Variants in JPH3 observed in about 807,000 individuals in gnomAD.
JPH3 encodes the protein junctophilin 3.
Under a neutral mutation model 59.6 loss-of-function variants are expected in JPH3, and 11 were observed. The observed-to-expected ratio is 0.18, with a 90% CI of 0.12 to 0.31. The LOEUF is 0.31. Among genes scored for constraint, JPH3 ranks in the 10% least tolerant of loss-of-function variants. The probability of loss-of-function intolerance (pLI) is 1.00; values close to 1 mark genes in which losing one functional copy is unlikely to be tolerated. For missense variants in JPH3, 1,202 were observed against 1,105.7 expected, an observed-to-expected ratio of 1.09 and a Z score of -1.24; for synonymous variants, 673 against 483.6, an observed-to-expected ratio of 1.39 and a Z score of -5.14.
intron 2 of JPH3, chr16:87,655,119 G>C (rs2032452304): frequency 6.6e-6 from 1 of 152,192 alleles, no homozygotes; most frequent in Admixed American, 6.5e-5. Context: ...TTGAAGGTCT[G>C]GCAGGGTCAG....
chr16:87,668,296 C>G (rs2032927349), intron 2 of JPH3, among the ~76,000 whole-genome samples: 1 of 152,140 alleles, frequency 6.6e-6, no homozygotes, highest in Non-Finnish European at 1.5e-5. Flanking sequence ...TTTCGTGGTC[C>G]ATGTTTGGGG....
chr16:87,669,703 G>A (rs550706795), intron 2 of JPH3, among the ~76,000 whole-genome samples: 1 of 152,288 alleles, frequency 6.6e-6, no homozygotes, highest in Admixed American at 6.5e-5. Context: ...AGAGCGGGAG[G>A]CAGGACCCCG....
chr16:87,668,990 G>A (rs1301370836), intron 2 of JPH3, among the ~76,000 whole-genome samples: 1 of 152,172 alleles, frequency 6.6e-6, no homozygotes, highest in Non-Finnish European at 1.5e-5. Context: ...AATCTTCTCG[G>A]AGGTCCTGCG....
At chr16:87,659,710 G>C (rs1438868464) in intron 2 of JPH3, among the ~76,000 whole-genome samples, 1 of 151,882 alleles carries the variant, frequency 6.6e-6, no homozygotes. Flanking sequence ...TCCAGCCTGG[G>C]CAACAAAGCA....
intron 1 of JPH3, among the ~76,000 whole-genome samples, chr16:87,613,758 T>G (rs976108173): frequency 2.6e-5 from 4 of 152,196 alleles, no homozygotes; most frequent in African/African-American, 9.7e-5. Flanking sequence ...AGAAAAACAC[T>G]TTTTCTTTCT....
intron 2 of JPH3, among the ~76,000 whole-genome samples, chr16:87,676,488 C>T (rs1188838884): frequency 6.6e-6 from 1 of 152,198 alleles, no homozygotes; most frequent in Non-Finnish European, 1.5e-5. Context: ...GTAATCTCAG[C>T]ACCTTGGGAG....
chr16:87,659,888 T>G (rs1333711322), intron 2 of JPH3, among the ~76,000 whole-genome samples: 1 of 152,086 alleles, frequency 6.6e-6, no homozygotes, highest in East Asian at 1.9e-4. Flanking sequence ...CCTCCCAGGT[T>G]CCCTCCCCCA....
intron 1 of JPH3, among the ~76,000 whole-genome samples, chr16:87,643,325 C>A (rs1395857223): frequency 6.6e-6 from 1 of 152,206 alleles, no homozygotes; most frequent in Non-Finnish European, 1.5e-5. Context: ...CCCTTTCCAG[C>A]CATGGAAACA....
chr16:87,630,902 C>G (rs1251555324), intron 1 of JPH3, among the ~76,000 whole-genome samples: 2 of 152,154 alleles, frequency 1.3e-5, no homozygotes, highest in African/African-American at 2.4e-5. Context: ...GTTGTTAAAT[C>G]CATACTCAGT....
chr16:87,635,248 G>T (rs2031698724), intron 1 of JPH3, among the ~76,000 whole-genome samples: 1 of 152,210 alleles, frequency 6.6e-6, no homozygotes, highest in Admixed American at 6.5e-5. Context: ...TTGACCTGGG[G>T]CATCTGTCCA....
At chr16:87,639,084 C>G (rs1054339368) in intron 1 of JPH3, among the ~76,000 whole-genome samples, 9 of 152,154 alleles carry the variant, frequency 5.9e-5, no homozygotes, top group African/African-American at 2.2e-4. Context: ...CCCTCTCCAG[C>G]CTCAGTTGCC....
chr16:87,644,663 C>T lies in JPH3; in HGVS notation c.788C>T (p.Thr263Ile). The T allele has an allele frequency of 1.2e-6, 2 of 1,611,894 alleles. No homozygotes were observed. Among genetic ancestry groups the T allele is most frequent in the Non-Finnish European group, 1.7e-6 (2 of 1,179,894 alleles). Residue 263 changes from threonine (T) to isoleucine (I), a missense_variant, in exon 2 of 5, where the codon ACC becomes ATC. By Grantham distance (89) the Thr-to-Ile change is moderately conservative. Coordinates refer to ENST00000284262, the MANE Select transcript of JPH3 (RefSeq NM_020655.4). ...VSSTASDIHS[T>I]ISLGEAEAEL... ...TCCACGGCCAGCGACATCCACTCCA[C>T]CATCAGCCTGGGCGAGGCTGAGGCC...
intron 1 of JPH3, among the ~76,000 whole-genome samples, chr16:87,607,028 C>A (rs1369285984): frequency 6.6e-6 from 1 of 152,178 alleles, no homozygotes; most frequent in Non-Finnish European, 1.5e-5. Flanking sequence ...AGAGCCTGGG[C>A]CTTTGCTAGG....
intron 2 of JPH3, among the ~76,000 whole-genome samples, chr16:87,674,940 T>C (rs919039327): frequency 1.3e-5 from 2 of 152,032 alleles, no homozygotes. Flanking sequence ...TTTGTATTTT[T>C]AGTAGAGATG....
intron 2 of JPH3, chr16:87,654,977 C>T (rs2032446036): frequency 6.6e-6 from 1 of 152,278 alleles, no homozygotes; most frequent in Admixed American, 6.5e-5. Flanking sequence ...CACCGCAAAC[C>T]AGCTCCTCTT....
intron 4 of JPH3, chr16:87,694,441 G>A (rs1183777877): frequency 6.6e-6 from 1 of 152,214 alleles, no homozygotes; most frequent in Non-Finnish European, 1.5e-5. Flanking sequence ...AGGCTGCTTC[G>A]CTGCCGCGGG....
intron 2 of JPH3, among the ~76,000 whole-genome samples, chr16:87,662,031 T>G (rs368440401): frequency 5.3e-5 from 8 of 152,356 alleles, no homozygotes; most frequent in African/African-American, 1.9e-4. Flanking sequence ...CTCACAAATT[T>G]GATTTTTAAG....
chr16:87,657,899 G>A (rs1456924569), intron 2 of JPH3, among the ~76,000 whole-genome samples: 11 of 152,220 alleles, frequency 7.2e-5, no homozygotes, highest in Non-Finnish European at 1.6e-4. Flanking sequence ...TGGGGCTTCA[G>A]TGCTGTGGGA....
At chr16:87,678,103 T>C (rs149843981) in intron 2 of JPH3, among the ~76,000 whole-genome samples, 173 of 152,068 alleles carry the variant, frequency 1.1e-3, no homozygotes, top group African/African-American at 3.8e-3. Flanking sequence ...ATAAACAAAA[T>C]TAGCCAGGCG....
Sources: gnomAD v4.1 joint callset for allele counts (sites outside exome capture counted in the v4.1 genomes callset) on GRCh38, gnomAD v4.1.1 for gene constraint, MANE v1.5 for transcripts, NCBI Gene and HGNC (gene_info 2026-07-23, HGNC 2026-07-21) for gene names.